GPD1L: variants seen among roughly 807,000 people sequenced by gnomAD.
GPD1L encodes the protein glycerol-3-phosphate dehydrogenase 1 like, also known as glycerol-3-phosphate dehydrogenase 1-like protein.
Under a neutral mutation model 32.9 loss-of-function variants are expected in GPD1L, and 17 were observed. The ratio of observed to expected loss-of-function variants is 0.52; its 90% CI spans 0.35 to 0.78. GPD1L has a LOEUF of 0.78. Among genes scored for constraint, GPD1L ranks in the 30% least tolerant of loss-of-function variants. The pLI, the probability that GPD1L is intolerant of heterozygous loss-of-function variation, is 0.01. For missense variants in GPD1L, 361 were observed against 447.8 expected (o/e 0.81, Z 1.75); for synonymous variants, 187 against 165.9 (o/e 1.13, Z -0.98).
At chr3:32,120,986 CG>C (rs1700403859) in intron 1 of GPD1L, among the ~76,000 whole-genome samples, 1 of 151,930 alleles carries the variant, frequency 6.6e-6, no homozygotes, top group Non-Finnish European at 1.5e-5. Flanking sequence ...CTCCTGCAGG[CG>C]GGTGTCCATC....
At chr3:32,126,351 G>A (rs1700507994) in intron 1 of GPD1L, among the ~76,000 whole-genome samples, 1 of 152,148 alleles carries the variant, frequency 6.6e-6, no homozygotes, top group Non-Finnish European at 1.5e-5. Context: ...TCATGGGGAG[G>A]GATTCCTGGT....
rs771610382 is a variant in GPD1L at position 32,138,659 on chromosome 3, A to C, written c.298A>C (p.Ile100Leu). 2.5e-6 allele frequency: 4 copies of C among 1,613,918 alleles called. No individual in the cohort carries two copies. The highest frequency in any genetic ancestry group is 3.4e-6 in the Non-Finnish European group (4 of 1,179,798). The stretch of plus-strand genomic sequence containing the variant: ...GGTGTTTGTCATTCCCCACCAGTTC[A>C]TTCACAGAATCTGTGATGAGATCAC... The part of the protein sequence containing the change: ...LLVFVIPHQF[I>L]HRICDEITGR... The change falls in exon 3 of 8, where the codon ATT becomes CTT. Residue 100 changes from isoleucine to leucine, a missense_variant. Physicochemically the swap from Ile to Leu is conservative, Grantham distance 5. Transcript: ENST00000282541.
At chr3:32,124,680 C>A (rs754368236) in intron 1 of GPD1L, among the ~76,000 whole-genome samples, 2 of 152,190 alleles carry the variant, frequency 1.3e-5, no homozygotes, top group Non-Finnish European at 2.9e-5. Context: ...AATCCTAACA[C>A]CTTGGGAGGC....
intron 1 of GPD1L, among the ~76,000 whole-genome samples, chr3:32,119,038 C>T (rs1700370190): frequency 6.6e-6 from 1 of 152,176 alleles, no homozygotes; most frequent in African/African-American, 2.4e-5. Context: ...TGGGTTGCTT[C>T]CACCTTTTGG....
At chr3:32,154,323 AG>A (rs1462067685) in intron 5 of GPD1L, among the ~76,000 whole-genome samples, 1 of 152,164 alleles carries the variant, frequency 6.6e-6, no homozygotes, top group African/African-American at 2.4e-5. Flanking sequence ...GGGGCCACAG[AG>A]GAGCTGTGAG....
At chr3:32,160,789 C>T (rs924764581) in intron 7 of GPD1L, among the ~76,000 whole-genome samples, 1 of 152,192 alleles carries the variant, frequency 6.6e-6, no homozygotes, top group Non-Finnish European at 1.5e-5. Context: ...CCCAGCCTCT[C>T]CTGAGGCCAC....
intron 4 of GPD1L, among the ~76,000 whole-genome samples, chr3:32,144,677 T>TTTGTTGTTG (rs537706656): frequency 2.0e-5 from 3 of 151,560 alleles, no homozygotes; most frequent in Non-Finnish European, 4.4e-5. Flanking sequence ...ATTACTGGGG[T>TTTGTTGTTG]TTGTTGTTGT....
rs558617536 is a variant in GPD1L, at chr3:32,166,996, T to A, written c.*1086T>A. ...AGCATCAGCTTCACTTGTGGGGGGG[T>A]GGGGGAAGGGGCGGTCTCAGAAATG... On this transcript the variant is annotated 3_prime_UTR_variant, in exon 8 of 8. Coordinates refer to ENST00000282541, the MANE Select transcript of GPD1L (RefSeq NM_015141.4). The A allele has an allele frequency of 7.2e-6, 1 of 139,196 alleles. No individual in the cohort carries two copies. The allele number at this position is 139,196 out of a possible 1,614,324, so 8.6% of individuals were successfully genotyped here.
rs752969017 is a variant in GPD1L, at chr3:32,132,433, T to TA, written c.225+4189dup. Among the ~76,000 whole-genome samples the TA allele has an allele frequency of 2.6e-5, 4 of 151,860 alleles. No individual in the cohort carries two copies. The South Asian group carries it at 6.2e-4, about 24-fold the overall frequency. ...TGGGAAATAAGTTTAGGGCAAGACT[T>TA]AAAAAAAAATTAATCATTTACATTT... On this transcript the variant is annotated intron_variant, in intron 2 of 7. Transcript: ENST00000282541.
chr3:32,121,459 A>C lies in GPD1L; in HGVS notation c.48-6617A>C, dbSNP rs143854842. ...TTTCTTTATATATATATTTCTCTCT[A>C]TATATATTTCTCTCTATATATATTT... On this transcript the variant is annotated intron_variant, in intron 1 of 7. Coordinates refer to ENST00000282541, the MANE Select transcript of GPD1L (RefSeq NM_015141.4). Among the ~76,000 whole-genome samples the C allele has an allele frequency of 3.2e-3, 432 of 136,200 alleles. 41 individuals are homozygous for C. Among genetic ancestry groups the C allele is most frequent in the African/African-American group, 0.011 (377 of 34,924 alleles). 89.4% of individuals were successfully genotyped at this position (136,200 alleles called of 152,430 possible).
At chr3:32,116,286 A>T (rs1445440898) in intron 1 of GPD1L, among the ~76,000 whole-genome samples, 1 of 152,236 alleles carries the variant, frequency 6.6e-6, no homozygotes, top group Non-Finnish European at 1.5e-5. Flanking sequence ...ACATATAATT[A>T]AGTGACCATG....
chr3:32,165,040 C>T (rs550973281), intron 7 of GPD1L, among the ~76,000 whole-genome samples: 1 of 152,210 alleles, frequency 6.6e-6, no homozygotes, highest in South Asian at 2.1e-4. Context: ...CCCGTCTCTA[C>T]TAAAAATACA....
intron 2 of GPD1L, among the ~76,000 whole-genome samples, chr3:32,130,287 T>C (rs1398934221): frequency 6.6e-6 from 1 of 152,152 alleles, no homozygotes; most frequent in Non-Finnish European, 1.5e-5. Flanking sequence ...GATAGATCTC[T>C]CAAACCTATT....
At chr3:32,165,175 C>T (rs1012033957) in intron 7 of GPD1L, among the ~76,000 whole-genome samples, 1 of 152,158 alleles carries the variant, frequency 6.6e-6, no homozygotes, top group Non-Finnish European at 1.5e-5. Context: ...CACCGCACTC[C>T]AGCCTGGGCG....
intron 4 of GPD1L, among the ~76,000 whole-genome samples, chr3:32,142,635 A>G (rs1700761144): frequency 6.6e-6 from 1 of 152,198 alleles, no homozygotes; most frequent in African/African-American, 2.4e-5. Context: ...GTTCCAACTC[A>G]ATCCTATTTG....
intron 5 of GPD1L, among the ~76,000 whole-genome samples, chr3:32,146,998 G>T (rs946205156): frequency 2.0e-5 from 3 of 152,198 alleles, no homozygotes; most frequent in Admixed American, 6.5e-5. Context: ...TTGATATTTG[G>T]AAAGCATGGG....
Position 32,165,522 on chromosome 3 carries a change from A to G in GPD1L, c.960-292A>G, listed in dbSNP as rs548906760. The stretch of plus-strand genomic sequence containing the variant: ...AGATTTGACCAAGAGTTGGAGCCAC[A>G]GCTCCTATGTAAATGACAACAGTTT... On this transcript the variant is annotated intron_variant, in intron 7 of 7. Coordinates refer to ENST00000282541, the MANE Select transcript of GPD1L (RefSeq NM_015141.4). 8.5e-5 allele frequency among the ~76,000 whole-genome samples: 13 copies of G among 152,306 alleles called. No homozygotes were observed. The East Asian group carries it at 2.1e-3, about 25-fold the overall frequency.
At chr3:32,135,596 G>A (rs1056442894) in intron 2 of GPD1L, among the ~76,000 whole-genome samples, 1 of 152,048 alleles carries the variant, frequency 6.6e-6, no homozygotes, top group African/African-American at 2.4e-5. Flanking sequence ...GGGATTACAG[G>A]TGTGCACCAC....
intron 2 of GPD1L, among the ~76,000 whole-genome samples, chr3:32,137,206 A>G (rs978203809): frequency 2.0e-5 from 3 of 152,234 alleles, no homozygotes; most frequent in African/African-American, 7.2e-5. Flanking sequence ...GGAACCAGGA[A>G]TGCTTAATGG....
Sources: gnomAD v4.1 joint callset for allele counts (sites outside exome capture counted in the v4.1 genomes callset) on GRCh38, gnomAD v4.1.1 for gene constraint, MANE v1.5 for transcripts, NCBI Gene and HGNC (gene_info 2026-07-23, HGNC 2026-07-21) for gene names.